The following TSC22D2 variants were observed in gnomAD, a reference collection of about 807,000 sequenced individuals.
TSC22D2 encodes the protein TSC22 domain family member 2.
In TSC22D2, 5 loss-of-function variants were observed where a neutral mutation model predicts 50.1. That is an observed-to-expected ratio of 0.10 (90% CI 0.05 to 0.21). The LOEUF (loss-of-function observed/expected upper bound fraction) is 0.21. TSC22D2 is among the 10% of genes least tolerant of loss of function. The pLI, the probability that TSC22D2 is intolerant of heterozygous loss-of-function variation, is 1.00. For missense variants in TSC22D2, 1,003 were observed against 1,015.5 expected (o/e 0.99, Z 0.17); for synonymous variants, 501 against 450.1 (o/e 1.11, Z -1.43).
intron 1 of TSC22D2, among the ~76,000 whole-genome samples, chr3:150,437,678 C>T (rs1175589405): frequency 4.0e-5 from 6 of 151,632 alleles, no homozygotes; most frequent in East Asian, 1.9e-4. Context: ...CGTGGTGGCA[C>T]GTGCCTGTAA....
intron 1 of TSC22D2, among the ~76,000 whole-genome samples, chr3:150,418,609 G>T (rs1306732984): frequency 2.0e-5 from 3 of 151,736 alleles, no homozygotes; most frequent in Admixed American, 2.0e-4. Context: ...AAGAAGAGAA[G>T]GGGATAGTTT....
rs911885772 is a variant in TSC22D2 at position 150,446,318 on chromosome 3, T to G, written c.1959-10758T>G. 3.3e-5 allele frequency among the ~76,000 whole-genome samples: 5 copies of G among 152,094 alleles called. No homozygotes were observed. In the East Asian group the frequency reaches 7.7e-4, roughly 23 times the overall value. On this transcript the variant is annotated intron_variant, in intron 1 of 2. Coordinates refer to ENST00000688009, the MANE Select transcript of TSC22D2 (RefSeq NM_001303264.2). Reference sequence around the variant, plus strand: ...GACAACTTTAATTCTTCAGGGCCTGTATTTAGAGTGTTGCCTTTATATTTG... The same window carrying G: ...GACAACTTTAATTCTTCAGGGCCTGGATTTAGAGTGTTGCCTTTATATTTG...
At chr3:150,434,023 C>A (rs144129018) in intron 1 of TSC22D2, among the ~76,000 whole-genome samples, 1 of 152,256 alleles carries the variant, frequency 6.6e-6, no homozygotes, top group African/African-American at 2.4e-5. Flanking sequence ...TGCAGGGAGC[C>A]GAGATTGCAC....
rs1020527053 is a variant in TSC22D2 at position 150,408,492 on chromosome 3, C to T, written c.-859C>T. On this transcript the variant is annotated 5_prime_UTR_variant, in exon 1 of 3. Transcript: ENST00000688009. Reference sequence around the variant, plus strand: ...AGCCACCACCGCTACCTCACACAGCCGGGGCGCCTCCGGTCCCGTGCCAGC... The same window carrying T: ...AGCCACCACCGCTACCTCACACAGCTGGGGCGCCTCCGGTCCCGTGCCAGC... 2 of 152,368 alleles carry T rather than the reference C, an allele frequency of 1.3e-5. No homozygotes were observed. Among genetic ancestry groups the T allele is most frequent in the Non-Finnish European group, 2.9e-5 (2 of 68,136 alleles). 9.4% of individuals were successfully genotyped at this position (152,368 alleles called of 1,614,324 possible). A position where few individuals can be genotyped will look rare whatever the true frequency, so the allele number is the denominator to read the frequency against.
chr3:150,442,515 C>T (rs1301155833), intron 1 of TSC22D2, among the ~76,000 whole-genome samples: 1 of 152,234 alleles, frequency 6.6e-6, no homozygotes, highest in Non-Finnish European at 1.5e-5. Flanking sequence ...TATTTCATGA[C>T]ATTTAGATTT....
chr3:150,454,767 T>C (rs1721137942), intron 1 of TSC22D2, among the ~76,000 whole-genome samples: 1 of 152,214 alleles, frequency 6.6e-6, no homozygotes, highest in Non-Finnish European at 1.5e-5. Flanking sequence ...GTACAACACC[T>C]AACAGTTGAA....
Position 150,409,126 on chromosome 3 carries a change from G to A in TSC22D2, c.-225G>A. ...GAAGGAGGAGCCGCCGCGGGACTGAGACGGGGGCAGAGCCGAAGAGACCGA... is the reference window on the plus strand; with the variant it reads ...GAAGGAGGAGCCGCCGCGGGACTGAAACGGGGGCAGAGCCGAAGAGACCGA... On this transcript the variant is annotated 5_prime_UTR_variant, in exon 1 of 3. Coordinates refer to ENST00000688009, the MANE Select transcript of TSC22D2 (RefSeq NM_001303264.2). The surrounding 1 kb of genome is among the most constrained non-coding windows in gnomAD (Gnocchi z 7.4). 1 of 449,050 alleles carries A rather than the reference G, an allele frequency of 2.2e-6. No individual in the cohort carries two copies. The highest frequency in any genetic ancestry group is 5.0e-5 in the South Asian group (1 of 19,988). The allele number at this position is 449,050 out of a possible 1,614,324, so 27.8% of individuals were successfully genotyped here. A position where few individuals can be genotyped will look rare whatever the true frequency, so the allele number is the denominator to read the frequency against.
chr3:150,410,743 G>C lies in TSC22D2; in HGVS notation c.1393G>C (p.Val465Leu). The change falls in exon 1 of 3, where the codon GTG (valine) becomes CTG (leucine). Residue 465 changes from valine to leucine, a missense_variant. Around this residue, in one of 6 missense-constraint regions of TSC22D2, gnomAD observed 696 missense variants for 647.8 expected, o/e 1.07. Transcript: ENST00000688009. ...AGTGCCCCCGGCTACTGTGGGAGGCGTGGTGCAGCCGTGCCTCGGTCCTGC... is the reference window on the plus strand; with the variant it reads ...AGTGCCCCCGGCTACTGTGGGAGGCCTGGTGCAGCCGTGCCTCGGTCCTGC... ...TGVPPATVGGVVQPCLGPAGA... is the reference protein window; with the variant it reads ...TGVPPATVGGLVQPCLGPAGA... The C allele has an allele frequency of 1.2e-6, 2 of 1,603,786 alleles. No individual in the cohort carries two copies. The highest frequency in any genetic ancestry group is 8.5e-7 in the Non-Finnish European group (1 of 1,175,810).
At position 150,457,093 on chromosome 3, in the gene TSC22D2, T is replaced by C. The variant is rs933702638; in HGVS notation, c.1976T>C (p.Val659Ala). 2.5e-6 allele frequency: 4 copies of C among 1,612,084 alleles called. No homozygotes were observed. The East Asian group carries it at 8.9e-5, about 36-fold the overall frequency. ...GDEDSASGGGVVAIDNKIEQA... is the reference protein window; with the variant it reads ...GDEDSASGGGAVAIDNKIEQA... ...TTTTCCAGTGCATCTGGGGGAGGTG[T>C]TGTAGCCATTGACAACAAAATAGAA... The change falls in exon 2 of 3, where the codon GTT becomes GCT. Residue 659 changes from valine (V) to alanine (A), a missense_variant. Physicochemically the swap from Val to Ala is moderately conservative, Grantham distance 64. Coordinates refer to ENST00000688009, the MANE Select transcript of TSC22D2 (RefSeq NM_001303264.2).
chr3:150,458,868 T>A lies in TSC22D2; in HGVS notation c.*232T>A. The A allele has an allele frequency of 2.1e-6, 1 of 480,786 alleles. No individual in the cohort carries two copies. The highest frequency in any genetic ancestry group is 3.6e-6 in the Non-Finnish European group (1 of 279,200). 29.8% of individuals were successfully genotyped at this position (480,786 alleles called of 1,614,324 possible). Reference sequence around the variant, plus strand: ...ACACAAGGAGAATAATAGATGGGGTTTATTAAAGCGAGCAAAGTCTGCATT... The same window carrying A: ...ACACAAGGAGAATAATAGATGGGGTATATTAAAGCGAGCAAAGTCTGCATT... On this transcript the variant is annotated 3_prime_UTR_variant, in exon 3 of 3. Coordinates refer to ENST00000688009, the MANE Select transcript of TSC22D2 (RefSeq NM_001303264.2).
chr3:150,464,275 G>A lies in TSC22D2; in HGVS notation c.*5639G>A, dbSNP rs1721494471. 1 of 152,072 alleles carries A rather than the reference G, an allele frequency of 6.6e-6. No homozygotes were observed. 9.4% of individuals were successfully genotyped at this position (152,072 alleles called of 1,614,324 possible). On this transcript the variant is annotated 3_prime_UTR_variant, in exon 3 of 3. Transcript: ENST00000688009. ...TCTATAGATAGGTCATATCATACCT[G>A]AGGAAGATCAGAGACAGCAAGGGAA...
At chr3:150,422,879 T>C (rs1720058902) in intron 1 of TSC22D2, among the ~76,000 whole-genome samples, 1 of 152,244 alleles carries the variant, frequency 6.6e-6, no homozygotes, top group African/African-American at 2.4e-5. Context: ...TGTCCAGTTT[T>C]TAATTTCTTC....
intron 1 of TSC22D2, among the ~76,000 whole-genome samples, chr3:150,455,074 G>A (rs1721145492): frequency 6.6e-6 from 1 of 152,090 alleles, no homozygotes. Flanking sequence ...TGTGTTGAAG[G>A]AATCAAATGA....
chr3:150,444,693 T>G (rs772683717), intron 1 of TSC22D2, among the ~76,000 whole-genome samples: 44 of 152,234 alleles, frequency 2.9e-4, no homozygotes, highest in African/African-American at 9.4e-4. Flanking sequence ...TCTAAATTAT[T>G]AGAATTATTA....
chr3:150,456,303 T>A (rs1282124479), intron 1 of TSC22D2, among the ~76,000 whole-genome samples: 1 of 151,698 alleles, frequency 6.6e-6, no homozygotes, highest in African/African-American at 2.4e-5. Flanking sequence ...TTCTCTTGCC[T>A]CAGCCTCCTG....
At chr3:150,415,814 G>C (rs1030860356) in intron 1 of TSC22D2, among the ~76,000 whole-genome samples, 3 of 152,062 alleles carry the variant, frequency 2.0e-5, no homozygotes, top group African/African-American at 4.8e-5. Context: ...GGACCTGTCT[G>C]TAAAAAGAAA....
In TSC22D2 at chr3:150,409,722, T is replaced by C; in HGVS notation, c.372T>C (p.Ala124=). 6.3e-7 allele frequency: 1 copy of C among 1,599,376 alleles called. No individual in the cohort carries two copies. The highest frequency in any genetic ancestry group is 8.5e-7 in the Non-Finnish European group (1 of 1,176,120). ...SGALASTLAA[A]ATSAPAPGAP... is the part of the protein sequence containing the mutation. Reference sequence around the variant, plus strand: ...CGCTCGCCAGTACCCTGGCGGCGGCTGCCACTTCGGCCCCCGCCCCCGGAG... The same window carrying C: ...CGCTCGCCAGTACCCTGGCGGCGGCCGCCACTTCGGCCCCCGCCCCCGGAG... Residue 124 remains alanine, a synonymous_variant, in exon 1 of 3, where the codon GCT becomes GCC. Transcript: ENST00000688009. The surrounding 1 kb of genome is among the most constrained non-coding windows in gnomAD (Gnocchi z 7.4).
At chr3:150,411,424 A>G in intron 1 of TSC22D2, 116 bp downstream of exon 1, 1 of 1,195,066 alleles carries the variant, frequency 8.4e-7, no homozygotes, top group Non-Finnish European at 1.1e-6. Flanking sequence ...TAAATACAAA[A>G]TTTAGTTTTT....
intron 1 of TSC22D2, among the ~76,000 whole-genome samples, chr3:150,418,234 A>C (rs933061384): frequency 2.0e-5 from 3 of 151,848 alleles, no homozygotes; most frequent in Non-Finnish European, 2.9e-5. Context: ...ATATGAGACT[A>C]TGCTGCCCTC....
Sources: allele counts gnomAD v4.1 joint callset (sites outside exome capture counted in the v4.1 genomes callset), GRCh38; gene constraint gnomAD v4.1.1; regional missense constraint gnomAD v4.1.1; non-coding constraint Gnocchi (gnomAD v3.1); transcripts MANE v1.5; gene names NCBI Gene and HGNC (gene_info 2026-07-23, HGNC 2026-07-21).